The following NLGN4X variants were observed in gnomAD, a reference collection of about 807,000 sequenced individuals.
The protein encoded by NLGN4X is neuroligin 4 X-linked, also known as neuroligin-4, X-linked.
Under a neutral mutation model 40.3 loss-of-function variants are expected in NLGN4X, and 3 were observed. The observed-to-expected ratio is 0.07, with a 90% CI of 0.03 to 0.19. The LOEUF is 0.19. Among genes scored for constraint, NLGN4X ranks in the 10% least tolerant of loss-of-function variants. NLGN4X has a pLI of 1.00. For missense variants in NLGN4X, 382 were observed against 708.3 expected (o/e 0.54, Z 5.23); for synonymous variants, 270 against 306.8 (o/e 0.88, Z 1.25).
intron 3 of NLGN4X, among the ~76,000 whole-genome samples, chrX:6,000,100 T>G (rs2035935365): frequency 8.9e-6 from 1 of 112,423 alleles, no homozygotes; most frequent in African/African-American, 3.2e-5. Context: ...ATAAATGGAA[T>G]TCTCCCATCC....
Position 6,028,427 on chromosome X carries a change from G to A in NLGN4X, c.625+853C>T, listed in dbSNP as rs184582601. Among the ~76,000 whole-genome samples the A allele has an allele frequency of 4.7e-3, 523 of 110,423 alleles. 1 individual carries two copies. Among genetic ancestry groups the A allele is most frequent in the Non-Finnish European group, 7.6e-3 (402 of 52,792 alleles). On this transcript the variant is annotated intron_variant, in intron 3 of 5. Transcript: ENST00000381095. ...TGTAATCCCAGCACTTTGGAAGGCC[G>A]AGGCAGGCGGATCACGAGGTCAGGA...
At chrX:5,942,533 T>C (rs1407091996) in intron 3 of NLGN4X, among the ~76,000 whole-genome samples, 1 of 110,166 alleles carries the variant, frequency 9.1e-6, no homozygotes, top group Non-Finnish European at 1.9e-5. Context: ...AATAGAAAAA[T>C]TAGGTGGTGT....
chrX:5,919,069 C>CA (rs747868603), intron 3 of NLGN4X, among the ~76,000 whole-genome samples: 18 of 112,009 alleles, frequency 1.6e-4, no homozygotes, highest in African/African-American at 6.5e-5. Flanking sequence ...ATTAATTAAA[C>CA]AAAAAAATGA....
chrX:5,951,969 A>G (rs942633172), intron 3 of NLGN4X, among the ~76,000 whole-genome samples: 1 of 112,398 alleles, frequency 8.9e-6, no homozygotes, highest in Non-Finnish European at 1.9e-5. Flanking sequence ...GTGGGAAAAA[A>G]GTTGGTCTTA....
intron 2 of NLGN4X, among the ~76,000 whole-genome samples, chrX:6,110,150 T>C (rs1001525184): frequency 1.9e-4 from 21 of 111,999 alleles, no homozygotes; most frequent in African/African-American, 6.5e-4. Flanking sequence ...ATATGTGGAA[T>C]TATAGTAATA....
chrX:6,102,785 G>C (rs2038946343), intron 2 of NLGN4X, among the ~76,000 whole-genome samples: 1 of 110,876 alleles, frequency 9.0e-6, no homozygotes, highest in Non-Finnish European at 1.9e-5. Flanking sequence ...GATACATAGA[G>C]ATGATAGATA....
intron 3 of NLGN4X, among the ~76,000 whole-genome samples, chrX:6,002,068 G>T (rs60302962): frequency 3.6e-5 from 4 of 110,989 alleles, no homozygotes; most frequent in Non-Finnish European, 7.5e-5. Flanking sequence ...GACTTCCTGT[G>T]GGGGGTGCAT....
At chrX:6,221,391 T>TTTTA (rs1491106130) in intron 1 of NLGN4X, among the ~76,000 whole-genome samples, 16 of 53,345 alleles carry the variant, frequency 3.0e-4, no homozygotes, top group African/African-American at 1.1e-3. Flanking sequence ...CCTTCTTATA[T>TTTTA]TATATATATA....
intron 2 of NLGN4X, among the ~76,000 whole-genome samples, chrX:6,129,218 T>C (rs1273208630): frequency 1.8e-5 from 2 of 112,559 alleles, no homozygotes; most frequent in African/African-American, 6.5e-5. Flanking sequence ...TTCACATACA[T>C]TTGACAGATA....
At chrX:6,219,167 A>ATG (rs1309487041) in intron 1 of NLGN4X, among the ~76,000 whole-genome samples, 1 of 99,428 alleles carries the variant, frequency 1.0e-5, no homozygotes, top group Non-Finnish European at 2.0e-5. Flanking sequence ...GTGTGTATAT[A>ATG]TATATATACA....
chrX:6,015,697 A>C (rs2036375884), intron 3 of NLGN4X, among the ~76,000 whole-genome samples: 1 of 111,541 alleles, frequency 9.0e-6, no homozygotes, highest in Admixed American at 9.6e-5. Flanking sequence ...CTTCACAGAC[A>C]CATTGATGGC....
In NLGN4X at chrX:6,055,501, TG is replaced by T. The variant is rs764430967; in HGVS notation, c.473-26070del. On this transcript the variant is annotated intron_variant, in intron 2 of 5. Coordinates refer to ENST00000381095, the MANE Select transcript of NLGN4X (RefSeq NM_181332.3). ...GAGAACTACTATAGGGTGCTGGTTG[TG>T]GGGGGGCTTACAAAACTACCTATTG... 2.0e-4 allele frequency among the ~76,000 whole-genome samples: 22 copies of T among 110,945 alleles called. No homozygotes were observed. The South Asian group carries it at 7.3e-3, about 37-fold the overall frequency.
chrX:6,079,144 G>T (rs758852866), intron 2 of NLGN4X, among the ~76,000 whole-genome samples: 2 of 111,540 alleles, frequency 1.8e-5, no homozygotes, highest in Admixed American at 1.9e-4. Context: ...TTATAGCAGT[G>T]TAAGAATAGA....
At chrX:5,920,360 G>A (rs190615471) in intron 3 of NLGN4X, among the ~76,000 whole-genome samples, 2 of 112,076 alleles carry the variant, frequency 1.8e-5, no homozygotes, top group African/African-American at 3.2e-5. Context: ...CATAAGAGTT[G>A]GAACATGGCA....
chrX:6,187,869 A>G (rs1330439028), intron 1 of NLGN4X: 1 of 112,300 alleles, frequency 8.9e-6, no homozygotes, highest in Non-Finnish European at 1.9e-5. Context: ...AAGGTAATTG[A>G]CATAAAATAA....
At chrX:6,044,822 G>A (rs191626871) in intron 2 of NLGN4X, among the ~76,000 whole-genome samples, 35 of 111,986 alleles carry the variant, frequency 3.1e-4, no homozygotes, top group African/African-American at 1.0e-3. Flanking sequence ...CTAAAACTGC[G>A]CTAATAAAGT....
intron 3 of NLGN4X, among the ~76,000 whole-genome samples, chrX:5,978,321 TTTCTTTCTTTCTTTC>T (rs2147052842): frequency 2.1e-5 from 1 of 47,922 alleles, no homozygotes; most frequent in African/African-American, 1.3e-4. Flanking sequence ...TCTTTCTTTC[TTTCTTTCTTTCTTTC>T]TTTCTTTCCC....
At chrX:6,125,009 C>T (rs898091023) in intron 2 of NLGN4X, among the ~76,000 whole-genome samples, 3 of 111,993 alleles carry the variant, frequency 2.7e-5, no homozygotes, top group African/African-American at 6.5e-5. Context: ...AACATATACA[C>T]ACACACATCT....
chrX:6,199,200 C>G (rs1338683055), intron 1 of NLGN4X, among the ~76,000 whole-genome samples: 1 of 111,618 alleles, frequency 9.0e-6, no homozygotes, highest in Non-Finnish European at 1.9e-5. Context: ...CCTAAGTTAT[C>G]TCAACAAAAT....
Sources: allele counts gnomAD v4.1 joint callset (sites outside exome capture counted in the v4.1 genomes callset), GRCh38; gene constraint gnomAD v4.1.1; transcripts MANE v1.5; gene names NCBI Gene and HGNC (gene_info 2026-07-23, HGNC 2026-07-21).